The following PLCG2 variants were observed in gnomAD, a reference collection of about 807,000 sequenced individuals.
PLCG2 encodes 1-phosphatidylinositol 4,5-bisphosphate phosphodiesterase gamma-2.
Under a neutral mutation model 175.6 loss-of-function variants are expected in PLCG2, and 69 were observed. The ratio of observed to expected loss-of-function variants is 0.39; its 90% confidence interval spans 0.32 to 0.48. The LOEUF (loss-of-function observed/expected upper bound fraction) is 0.48, where lower values mean the gene tolerates loss of function less well. Among genes scored for constraint, PLCG2 ranks in the 20% least tolerant of loss-of-function variants. The probability of loss-of-function intolerance (pLI) is 0.91; values close to 1 mark genes in which losing one functional copy is unlikely to be tolerated. For missense variants in PLCG2, 1,798 were observed against 1,650.9 expected (o/e 1.09, Z -1.54); for synonymous variants, 827 against 624.0 (o/e 1.33, Z -4.85).
intron 1 of PLCG2, among the ~76,000 whole-genome samples, chr16:81,751,477 G>T (rs1321759687): frequency 6.6e-6 from 1 of 152,200 alleles, no homozygotes; most frequent in East Asian, 1.9e-4. Context: ...TCGAGGACGG[G>T]AAATGGGGAG....
At chr16:81,860,485 T>C (rs1464245821) in intron 5 of PLCG2, among the ~76,000 whole-genome samples, 1 of 152,148 alleles carries the variant, frequency 6.6e-6, no homozygotes, top group East Asian at 1.9e-4. Flanking sequence ...TTGTATAATA[T>C]TTCTACCAGT....
At chr16:81,853,883 T>C (rs1163906236) in intron 2 of PLCG2, among the ~76,000 whole-genome samples, 1 of 152,178 alleles carries the variant, frequency 6.6e-6, no homozygotes, top group Non-Finnish European at 1.5e-5. Context: ...CCAGAACCCC[T>C]GTTACCATCC....
At chr16:81,779,249 G>A (rs1910616032), upstream of PLCG2, 1 of 151,208 alleles carries the variant, frequency 6.6e-6, no homozygotes, top group Admixed American at 6.6e-5. Flanking sequence ...GGTGCGGGGG[G>A]CGGCCCCCGA....
rs149177827 is a variant in PLCG2, at chr16:81,839,554, T to G, written c.194-14890T>G. ...ATGAGTACTATTTTATATCTAATAC[T>G]TATTTTAATATTGATTCACTATTTT... is the stretch of plus-strand genomic sequence containing the variant. On this transcript the variant is annotated intron_variant, in intron 2 of 32. Coordinates refer to ENST00000564138, the MANE Select transcript of PLCG2 (RefSeq NM_002661.5). Among the ~76,000 whole-genome samples, 1,048 of 152,330 alleles carry G rather than the reference T, an allele frequency of 6.9e-3. 9 individuals carry two copies. Among genetic ancestry groups the G allele is most frequent in the African/African-American group, 0.024 (994 of 41,574 alleles).
chr16:81,771,571 A>G (rs931088881), intron 2 of PLCG2, among the ~76,000 whole-genome samples: 2 of 152,038 alleles, frequency 1.3e-5, no homozygotes, highest in African/African-American at 4.8e-5. Context: ...AGCTCTTGCC[A>G]TTCTGTGATA....
intron 19 of PLCG2, among the ~76,000 whole-genome samples, chr16:81,916,981 C>A (rs1175188583): frequency 6.6e-6 from 1 of 152,174 alleles, no homozygotes; most frequent in Non-Finnish European, 1.5e-5. Flanking sequence ...TACCATAGAT[C>A]TCTTGCACTT....
At chr16:81,885,774 C>A (rs1908330230) in intron 9 of PLCG2, among the ~76,000 whole-genome samples, 1 of 152,128 alleles carries the variant, frequency 6.6e-6, no homozygotes. Flanking sequence ...TGCACAAGGC[C>A]ATCCACACTG....
intron 2 of PLCG2, among the ~76,000 whole-genome samples, chr16:81,824,139 CTCTT>C (rs918168365): frequency 7.5e-5 from 10 of 133,652 alleles, no homozygotes; most frequent in Non-Finnish European, 9.5e-5. Context: ...CTCTCTTTCT[CTCTT>C]TCTTTCTTTC....
intron 2 of PLCG2, among the ~76,000 whole-genome samples, chr16:81,827,601 AG>A (rs1862423189): frequency 6.6e-6 from 1 of 152,244 alleles, no homozygotes; most frequent in Non-Finnish European, 1.5e-5. Context: ...GGTTGTATCT[AG>A]GGGACAAATG....
chr16:81,793,892 C>T (rs1172946111), intron 2 of PLCG2, among the ~76,000 whole-genome samples: 1 of 152,196 alleles, frequency 6.6e-6, no homozygotes, highest in Non-Finnish European at 1.5e-5. Context: ...TGAACTTGTT[C>T]TTCCCAGTTT....
intron 1 of PLCG2, among the ~76,000 whole-genome samples, chr16:81,784,240 C>G (rs1220683152): frequency 2.0e-5 from 3 of 152,198 alleles, no homozygotes; most frequent in African/African-American, 7.2e-5. Flanking sequence ...TCATTTGCAT[C>G]CTAGTCCCCA....
chr16:81,774,372 C>G (rs1421069484), upstream of PLCG2, among the ~76,000 whole-genome samples: 1 of 151,804 alleles, frequency 6.6e-6, no homozygotes, highest in Non-Finnish European at 1.5e-5. Context: ...AACCATTAAA[C>G]CGGGGGCTCC....
At chr16:81,786,911 A>G (rs4243211) in intron 2 of PLCG2, among the ~76,000 whole-genome samples, 98,099 of 152,222 alleles carry the variant, frequency 0.64, 31,962 homozygotes, top group South Asian at 0.76. Flanking sequence ...AAACCATCCT[A>G]CTGAGGCAAG....
chr16:81,875,694 C>A (rs530921641), intron 7 of PLCG2, among the ~76,000 whole-genome samples: 19 of 152,204 alleles, frequency 1.2e-4, no homozygotes, highest in Non-Finnish European at 2.5e-4. Context: ...CTGCTACCTC[C>A]TGATCAAACC....
At chr16:81,789,102 A>T (rs11864983) in intron 2 of PLCG2, among the ~76,000 whole-genome samples, 3 of 152,186 alleles carry the variant, frequency 2.0e-5, no homozygotes, top group Non-Finnish European at 4.4e-5. Flanking sequence ...TGCTCTTCAC[A>T]TGTATCCCGG....
intron 7 of PLCG2, among the ~76,000 whole-genome samples, chr16:81,874,698 G>A (rs1226624622): frequency 6.6e-6 from 1 of 152,172 alleles, no homozygotes; most frequent in Non-Finnish European, 1.5e-5. Context: ...ATGCTTATCA[G>A]CAGCCAAATG....
rs1344347198 is a variant in PLCG2, at chr16:81,958,838, G to A, written c.*840G>A. On this transcript the variant is annotated 3_prime_UTR_variant, in exon 33 of 33. Coordinates refer to ENST00000564138, the MANE Select transcript of PLCG2 (RefSeq NM_002661.5). ...GCCCTTGGTCCACAGCTCTCCACAG[G>A]CAAGAGGTCAACTGCTGCTTGAAAG... 3 of 221,718 alleles carry A rather than the reference G, an allele frequency of 1.4e-5. No individual in the cohort carries two copies. Among genetic ancestry groups the A allele is most frequent in the Non-Finnish European group, 2.7e-5 (3 of 110,756 alleles). The allele number at this position is 221,718 out of a possible 1,614,324, so 13.7% of individuals were successfully genotyped here.
At chr16:81,865,929 A>C (rs1220300218) in intron 5 of PLCG2, among the ~76,000 whole-genome samples, 39 of 116,384 alleles carry the variant, frequency 3.4e-4, no homozygotes, top group African/African-American at 1.3e-3. Context: ...GGGCACCAGC[A>C]TGAGAGGACG....
At chr16:81,816,651 ATTTTTTTTTTT>A (rs71146047) in intron 2 of PLCG2, among the ~76,000 whole-genome samples, 26 of 108,878 alleles carry the variant, frequency 2.4e-4, no homozygotes, top group African/African-American at 4.9e-4. Flanking sequence ...GCTAATTTTA[ATTTTTTTTTTT>A]TTTTTTTTTT....
Sources: allele counts gnomAD v4.1 joint callset (sites outside exome capture counted in the v4.1 genomes callset), GRCh38; gene constraint gnomAD v4.1.1; transcripts MANE v1.5; gene names NCBI Gene and HGNC (gene_info 2026-07-23, HGNC 2026-07-21).